Variants in MACROD2 observed in about 807,000 individuals in gnomAD.
MACROD2 encodes the protein ADP-ribose glycohydrolase MACROD2.
Under a neutral mutation model 70.4 loss-of-function variants are expected in MACROD2, and 36 were observed. That is an observed-to-expected ratio of 0.51 (90% CI 0.39 to 0.68). MACROD2 has a LOEUF of 0.68. Among genes scored for constraint, MACROD2 ranks in the 30% least tolerant of loss-of-function variants. The probability of loss-of-function intolerance (pLI) is 0.00; values close to 1 mark genes in which losing one functional copy is unlikely to be tolerated. For synonymous variants in MACROD2, 172 were observed against 178.8 expected, an observed-to-expected ratio of 0.96 and a Z score of 0.30; for missense variants, 496 against 538.4, an observed-to-expected ratio of 0.92 and a Z score of 0.78.
At chr20:15,576,722 T>A (rs1431670584) in intron 8 of MACROD2, among the ~76,000 whole-genome samples, 1 of 152,144 alleles carries the variant, frequency 6.6e-6, no homozygotes, top group Non-Finnish European at 1.5e-5. Flanking sequence ...AGATGGGCTC[T>A]GAAATGCAAA....
At chr20:14,133,050 T>G (rs1448294445) in intron 3 of MACROD2, among the ~76,000 whole-genome samples, 2 of 152,192 alleles carry the variant, frequency 1.3e-5, no homozygotes, top group East Asian at 3.9e-4. Flanking sequence ...CACATGATTA[T>G]GGAGGCTGAC....
At chr20:14,291,974 G>A (rs1394878582) in intron 3 of MACROD2, among the ~76,000 whole-genome samples, 4 of 151,878 alleles carry the variant, frequency 2.6e-5, no homozygotes, top group Non-Finnish European at 5.9e-5. Context: ...AGCACAGGGA[G>A]GAAAGCTAAG....
chr20:15,919,849 G>GAA, intron 10 of MACROD2, among the ~76,000 whole-genome samples: 1 of 149,314 alleles, frequency 6.7e-6, no homozygotes, highest in East Asian at 2.0e-4. Context: ...TGGACTTACA[G>GAA]AAAAAAAAAA....
At chr20:15,232,962 AC>A (rs1486565317) in intron 6 of MACROD2, among the ~76,000 whole-genome samples, 2 of 152,122 alleles carry the variant, frequency 1.3e-5, no homozygotes. Flanking sequence ...CCTACTGTGT[AC>A]CCTGACGTTA....
At chr20:15,537,957 C>G (rs2047899095) in intron 8 of MACROD2, among the ~76,000 whole-genome samples, 1 of 152,074 alleles carries the variant, frequency 6.6e-6, no homozygotes, top group South Asian at 2.1e-4. Context: ...TCATTTTATC[C>G]CTAGCACTTA....
At position 15,704,864 on chromosome 20, in the gene MACROD2, C is replaced by T. The variant is rs1041683389; in HGVS notation, c.646-157881C>T. Among the ~76,000 whole-genome samples the T allele has an allele frequency of 3.9e-5, 6 of 152,184 alleles. No homozygotes were observed. The East Asian group carries it at 9.6e-4, about 24-fold the overall frequency. On this transcript the variant is annotated intron_variant, in intron 8 of 17. Coordinates refer to ENST00000684519, the MANE Select transcript of MACROD2 (RefSeq NM_001351661.2). ...AGTATTTCTTTATTGCTCTTTGGTA[C>T]TGCCCATTATCTTTATACATGCATG... is the stretch of plus-strand genomic sequence containing the variant.
intron 16 of MACROD2, among the ~76,000 whole-genome samples, chr20:16,043,612 A>T (rs937678523): frequency 6.6e-6 from 1 of 152,122 alleles, no homozygotes; most frequent in African/African-American, 2.4e-5. Context: ...AAATGCTCAC[A>T]TAGAATACAC....
intron 5 of MACROD2, among the ~76,000 whole-genome samples, chr20:14,720,569 T>TTTTTTTTTTTTTTTGTG (rs531072431): frequency 2.4e-5 from 2 of 84,164 alleles, no homozygotes; most frequent in Admixed American, 1.2e-4. Context: ...TTTTTTTTTT[T>TTTTTTTTTTTTTTTGTG]TGTGAGGCAG....
chr20:16,030,240 G>A (rs1238099722), intron 15 of MACROD2, among the ~76,000 whole-genome samples: 6 of 152,160 alleles, frequency 3.9e-5, no homozygotes, highest in African/African-American at 7.2e-5. Context: ...AGACAAATTT[G>A]GGGGGAACCT....
intron 5 of MACROD2, among the ~76,000 whole-genome samples, chr20:14,797,153 T>C (rs2072519380): frequency 1.3e-5 from 2 of 152,078 alleles, no homozygotes; most frequent in South Asian, 4.1e-4. Context: ...ACTTGACCCC[T>C]GCTGAGCCCA....
intron 7 of MACROD2, among the ~76,000 whole-genome samples, chr20:15,432,648 A>G (rs1005842683): frequency 1.3e-5 from 2 of 152,118 alleles, no homozygotes; most frequent in African/African-American, 4.8e-5. Flanking sequence ...GAGTCAAACC[A>G]AACTTCATTG....
At chr20:15,799,804 A>G (rs1486071513) in intron 8 of MACROD2, among the ~76,000 whole-genome samples, 1 of 152,208 alleles carries the variant, frequency 6.6e-6, no homozygotes, top group Non-Finnish European at 1.5e-5. Context: ...TTGATAAGTA[A>G]TCAGTAGTGG....
chr20:14,647,616 T>A (rs1985464553), intron 4 of MACROD2, among the ~76,000 whole-genome samples: 1 of 152,052 alleles, frequency 6.6e-6, no homozygotes, highest in East Asian at 1.9e-4. Context: ...TGATGCCTCA[T>A]AAGACACCCA....
At chr20:15,192,052 A>ATCTATCTATCTATCTATCTATCTC (rs1555791204) in intron 5 of MACROD2, among the ~76,000 whole-genome samples, 1 of 150,762 alleles carries the variant, frequency 6.6e-6, no homozygotes, top group African/African-American at 2.5e-5. Flanking sequence ...CTATCTATCT[A>ATCTATCTATCTATCTATCTATCTC]TCTATCTATC....
At chr20:15,641,170 C>T (rs370940785) in intron 8 of MACROD2, among the ~76,000 whole-genome samples, 23 of 152,192 alleles carry the variant, frequency 1.5e-4, no homozygotes, top group Non-Finnish European at 1.9e-4. Context: ...GCTTCAGTTG[C>T]GAATCAAGGT....
intron 3 of MACROD2, among the ~76,000 whole-genome samples, chr20:14,489,065 A>T (rs2084765505): frequency 6.6e-6 from 1 of 152,224 alleles, no homozygotes; most frequent in Admixed American, 6.5e-5. Flanking sequence ...CAGATACTGG[A>T]ATAATCAGTC....
chr20:14,775,174 C>T (rs912055970), intron 5 of MACROD2, among the ~76,000 whole-genome samples: 1 of 152,078 alleles, frequency 6.6e-6, no homozygotes, highest in African/African-American at 2.4e-5. Flanking sequence ...TAAGTGCTTT[C>T]TGCATGATCT....
chr20:15,383,789 T>A (rs974644691), intron 6 of MACROD2, among the ~76,000 whole-genome samples: 5 of 152,184 alleles, frequency 3.3e-5, no homozygotes, highest in Admixed American at 3.3e-4. Context: ...ATTTTCCAAG[T>A]CATTTATCTA....
chr20:15,219,003 G>T (rs1001609303), intron 5 of MACROD2, among the ~76,000 whole-genome samples: 3 of 151,754 alleles, frequency 2.0e-5, no homozygotes, highest in Non-Finnish European at 2.9e-5. Flanking sequence ...CCGAGATAGC[G>T]CCACTGCACT....
Sources: allele counts gnomAD v4.1 joint callset (sites outside exome capture counted in the v4.1 genomes callset), GRCh38; gene constraint gnomAD v4.1.1; transcripts MANE v1.5; gene names NCBI Gene and HGNC (gene_info 2026-07-23, HGNC 2026-07-21).